ZBTB24: variants seen among roughly 807,000 people sequenced by gnomAD.
ZBTB24 encodes zinc finger and BTB domain-containing protein 24.
Under a neutral mutation model 53.8 loss-of-function variants are expected in ZBTB24, and 32 were observed. That is an observed-to-expected ratio of 0.60 (90% CI 0.45 to 0.80). The LOEUF (loss-of-function observed/expected upper bound fraction) is 0.80, where lower values mean the gene tolerates loss of function less well. ZBTB24 is among the 30% of genes least tolerant of loss of function. The pLI is 0.00. For synonymous variants in ZBTB24, 297 were observed against 306.7 expected (o/e 0.97, Z 0.33); for missense variants, 722 against 837.1 (o/e 0.86, Z 1.70).
intron 5 of ZBTB24, among the ~76,000 whole-genome samples, chr6:109,473,175 T>C (rs999734619): frequency 1.3e-5 from 2 of 152,156 alleles, no homozygotes; most frequent in Admixed American, 1.3e-4. Flanking sequence ...ATTCCCAGGC[T>C]CTGCCCAGGT....
Position 109,465,579 on chromosome 6 carries a change from A to T in ZBTB24, c.*272T>A, listed in dbSNP as rs1447738046. ...AAAACTGAGATCAATGCCCCCAAAG[A>T]AAAACTACCCGAGTCTTTATGAGAC... On this transcript the variant is annotated 3_prime_UTR_variant, in exon 7 of 7. Coordinates refer to ENST00000230122, the MANE Select transcript of ZBTB24 (RefSeq NM_014797.3). 2 of 1,441,778 alleles carry T rather than the reference A, an allele frequency of 1.4e-6. No individual in the cohort carries two copies. The highest frequency in any genetic ancestry group is 1.9e-6 in the Non-Finnish European group (2 of 1,070,746). 89.3% of individuals were successfully genotyped at this position (1,441,778 alleles called of 1,614,324 possible).
chr6:109,469,852 G>A (rs1463736905), intron 5 of ZBTB24, among the ~76,000 whole-genome samples: 1 of 152,206 alleles, frequency 6.6e-6, no homozygotes, highest in African/African-American at 2.4e-5. Context: ...AATAGTATGA[G>A]CAGAAGCTGG....
At chr6:109,475,374 G>A (rs1304489331) in intron 5 of ZBTB24, 25 bp downstream of exon 5, 5 of 1,613,458 alleles carry the variant, frequency 3.1e-6, no homozygotes, top group Non-Finnish European at 4.2e-6. Flanking sequence ...CGTGTACTGG[G>A]GGGACAGACG....
rs976830352 is a variant in ZBTB24, at chr6:109,471,402, C to T, written c.1289-3668G>A. 5.3e-5 allele frequency among the ~76,000 whole-genome samples: 8 copies of T among 152,306 alleles called. No individual in the cohort carries two copies. The East Asian group carries it at 1.2e-3, about 22-fold the overall frequency. ...AGATGGGAAGACCCCCAGGTCTCAA[C>T]GTTAATGGATGGTCTCAACACACAG... On this transcript the variant is annotated intron_variant, in intron 5 of 6. Coordinates refer to ENST00000230122, the MANE Select transcript of ZBTB24 (RefSeq NM_014797.3).
chr6:109,470,117 G>C (rs1229787074), intron 5 of ZBTB24, among the ~76,000 whole-genome samples: 1 of 152,222 alleles, frequency 6.6e-6, no homozygotes, highest in Admixed American at 6.5e-5. Flanking sequence ...AGACGGAGAA[G>C]GATAAGGTAA....
At chr6:109,474,461 A>AGT (rs1391153655) in intron 5 of ZBTB24, among the ~76,000 whole-genome samples, 2 of 152,186 alleles carry the variant, frequency 1.3e-5, no homozygotes, top group African/African-American at 2.4e-5. Flanking sequence ...GGCCAGGCAC[A>AGT]GTGGCTCACG....
At chr6:109,471,268 C>A (rs1313822642) in intron 5 of ZBTB24, among the ~76,000 whole-genome samples, 1 of 152,212 alleles carries the variant, frequency 6.6e-6, no homozygotes, top group Non-Finnish European at 1.5e-5. Flanking sequence ...GTTTCCTGTC[C>A]TGTGTTCACA....
rs1458599447 is a variant in ZBTB24, at chr6:109,466,160, G to T, written c.1785C>A (p.Leu595=). 2 of 1,614,116 alleles carry T rather than the reference G, an allele frequency of 1.2e-6. No homozygotes were observed. The highest frequency in any genetic ancestry group is 2.7e-5 in the African/African-American group (2 of 74,938). The part of the protein sequence containing the change: ...TADQAANLTL[L]TQQPEQLQNL... Reference sequence around the variant, plus strand: ...TCTGCAGTTGCTCTGGCTGCTGCGTGAGCAGGGTAAGATTAGCAGCCTGGT... The same window carrying T: ...TCTGCAGTTGCTCTGGCTGCTGCGTTAGCAGGGTAAGATTAGCAGCCTGGT... Residue 595 remains leucine (L), a synonymous_variant, in exon 7 of 7, where the codon CTC becomes CTA. Transcript: ENST00000230122.
chr6:109,468,504 G>T (rs1276957738), intron 5 of ZBTB24, among the ~76,000 whole-genome samples: 1 of 151,752 alleles, frequency 6.6e-6, no homozygotes, highest in Admixed American at 6.6e-5. Context: ...TCAAGTCTCT[G>T]TTCACATGTT....
At chr6:109,470,738 T>C (rs1776147896) in intron 5 of ZBTB24, among the ~76,000 whole-genome samples, 1 of 152,238 alleles carries the variant, frequency 6.6e-6, no homozygotes, top group Non-Finnish European at 1.5e-5. Flanking sequence ...AAGAATCAAA[T>C]ATTGAAAATA....
chr6:109,471,774 T>C (rs906556104), intron 5 of ZBTB24, among the ~76,000 whole-genome samples: 5 of 152,162 alleles, frequency 3.3e-5, no homozygotes, highest in Non-Finnish European at 7.3e-5. Context: ...AATCCCTCTA[T>C]TGAGTTGATA....
Position 109,466,293 on chromosome 6 carries a change from T to G in ZBTB24, c.1652A>C (p.Glu551Ala), listed in dbSNP as rs1776039467. 6.2e-7 allele frequency: 1 copy of G among 1,614,098 alleles called. No homozygotes were observed. The highest frequency in any genetic ancestry group is 1.3e-5 in the African/African-American group (1 of 74,926). Residue 551 changes from glutamate (E) to alanine (A), a missense_variant, in exon 7 of 7, where the codon GAA becomes GCA. Glu to Ala is a moderately radical substitution (Grantham distance 107, BLOSUM62 -1). Coordinates refer to ENST00000230122, the MANE Select transcript of ZBTB24 (RefSeq NM_014797.3). ...AGAATCGGTTACGAGAAGCTGAATT[T>G]CCTGCTCTCCCGAGGTAGAGAGTTG... ...PYQLSTSGEQ[E>A]IQLLVTDSVH...
In ZBTB24 at chr6:109,478,588, C is replaced by T. The variant is rs182793386; in HGVS notation, c.953-1658G>A. ...TGGTGGTGCGTGCCTGTAATCCCAG[C>T]TACTTGGGTGGCTGAGGCAGGAGAA... On this transcript the variant is annotated intron_variant, in intron 2 of 6. Transcript: ENST00000230122. Among the ~76,000 whole-genome samples the T allele has an allele frequency of 3.0e-3, 458 of 152,246 alleles. 1 individual carries two copies. The highest frequency in any genetic ancestry group is 0.017 in the South Asian group (82 of 4,810).
In ZBTB24 at chr6:109,467,707, C is replaced by T; in HGVS notation, c.1316G>A (p.Cys439Tyr). 1 of 1,613,966 alleles carries T rather than the reference C, an allele frequency of 6.2e-7. No individual in the cohort carries two copies. The highest frequency in any genetic ancestry group is 8.5e-7 in the Non-Finnish European group (1 of 1,180,004). Residue 439 changes from cysteine (C) to tyrosine (Y), a missense_variant, in exon 6 of 7, where the codon TGT (cysteine) becomes TAT (tyrosine). Transcript: ENST00000230122. Reference protein sequence around the residue: ...TGEKPFTCEICGKSFTAKSSL... With the variant: ...TGEKPFTCEIYGKSFTAKSSL... ...ACTCTTTGCTGTGAAAGATTTGCCA[C>T]AGATTTCACAAGTAAATGGCTTCTC...
intron 2 of ZBTB24, among the ~76,000 whole-genome samples, chr6:109,479,453 G>C (rs962980716): frequency 6.6e-6 from 1 of 152,178 alleles, no homozygotes; most frequent in Admixed American, 6.5e-5. Context: ...AGAATTCAAA[G>C]TACAGTTTCT....
chr6:109,467,019 T>C (rs1776059243), intron 6 of ZBTB24, among the ~76,000 whole-genome samples: 2 of 152,270 alleles, frequency 1.3e-5, no homozygotes, highest in South Asian at 2.1e-4. Context: ...TCAGAAGAAC[T>C]CCTAAGTCCA....
At position 109,463,962 on chromosome 6, in the gene ZBTB24, G is replaced by A. The variant is rs1033135846; in HGVS notation, c.*1889C>T. On this transcript the variant is annotated 3_prime_UTR_variant, in exon 7 of 7. Transcript: ENST00000230122. Reference sequence around the variant, plus strand: ...TGAAACTTGACTTATAAATAGCTATGTAACCGTATTTTCTGAATAATCACC... The same window carrying A: ...TGAAACTTGACTTATAAATAGCTATATAACCGTATTTTCTGAATAATCACC... The A allele has an allele frequency of 6.6e-6, 1 of 152,154 alleles. No homozygotes were observed. The highest frequency in any genetic ancestry group is 1.5e-5 in the Non-Finnish European group (1 of 68,020). 9.4% of individuals were successfully genotyped at this position (152,154 alleles called of 1,614,324 possible).
At position 109,481,888 on chromosome 6, in the gene ZBTB24, G is replaced by C. The variant is rs780986609; in HGVS notation, c.139C>G (p.His47Asp). Residue 47 changes from histidine to aspartate, a missense_variant, in exon 2 of 7, where the codon CAT becomes GAT. Transcript: ENST00000230122. ...AGTAAGGCTTTGTGGGCCCGGAAATGTACATTCTCCACGATTAAAGTAATG... is the reference window on the plus strand; with the variant it reads ...AGTAAGGCTTTGTGGGCCCGGAAATCTACATTCTCCACGATTAAAGTAATG... ...CDITLIVENVHFRAHKALLAA... is the reference protein window; with the variant it reads ...CDITLIVENVDFRAHKALLAA... 1 of 1,614,166 alleles carries C rather than the reference G, an allele frequency of 6.2e-7. No homozygotes were observed. Among genetic ancestry groups the C allele is most frequent in the South Asian group, 1.1e-5 (1 of 91,078 alleles).
rs1374839755 is a variant in ZBTB24 at position 109,483,131 on chromosome 6, C to T, written c.-62G>A. 1 of 152,148 alleles carries T rather than the reference C, an allele frequency of 6.6e-6. No homozygotes were observed. Among genetic ancestry groups the T allele is most frequent in the African/African-American group, 2.4e-5 (1 of 41,418 alleles). 9.4% of individuals were successfully genotyped at this position (152,148 alleles called of 1,614,324 possible). On this transcript the variant is annotated 5_prime_UTR_variant, in exon 1 of 7. Transcript: ENST00000230122. ...CTGGCGGGAGACCCACGCCGGGGCC[C>T]GCTGGCCCTCCGCTCCGCCCCGCCC...
Sources: allele counts gnomAD v4.1 joint callset (sites outside exome capture counted in the v4.1 genomes callset), GRCh38; gene constraint gnomAD v4.1.1; transcripts MANE v1.5; gene names NCBI Gene and HGNC (gene_info 2026-07-23, HGNC 2026-07-21).